Variants in CNTN6 observed in about 807,000 individuals in gnomAD.
CNTN6 encodes contactin 6.
A neutral mutation model predicts 122.8 loss-of-function variants in CNTN6; 137 were observed. That is an observed-to-expected ratio of 1.12 (90% CI 0.97 to 1.29). The LOEUF (loss-of-function observed/expected upper bound fraction) is 1.29, where lower values mean the gene tolerates loss of function less well. Among genes scored for constraint, CNTN6 ranks in the 50% most tolerant of loss-of-function variants. The pLI is 0.00. For synonymous variants in CNTN6, 570 were observed against 426.0 expected (o/e 1.34, Z -4.16); for missense variants, 1,634 against 1,223.4 (o/e 1.34, Z -5.01).
At chr3:1,385,896 T>C (rs571259245) in intron 20 of CNTN6, 99 bp downstream of exon 20, 6 of 1,181,892 alleles carry the variant, frequency 5.1e-6, no homozygotes, top group Admixed American at 5.5e-5. Flanking sequence ...ATTTCTTTAC[T>C]AATTGGTTAC....
chr3:1,292,813 A>T (rs1695546806), intron 5 of CNTN6, among the ~76,000 whole-genome samples: 1 of 152,138 alleles, frequency 6.6e-6, no homozygotes, highest in African/African-American at 2.4e-5. Flanking sequence ...AAAGAGAGTA[A>T]AAGCCTTTTG....
intron 19 of CNTN6, among the ~76,000 whole-genome samples, chr3:1,384,954 C>T (rs938515003): frequency 1.1e-4 from 16 of 151,514 alleles, no homozygotes; most frequent in African/African-American, 2.4e-4. Context: ...CATCCCTAGT[C>T]GCCTCTTCTC....
intron 11 of CNTN6, among the ~76,000 whole-genome samples, chr3:1,351,513 T>A (rs968911169): frequency 6.6e-6 from 1 of 150,650 alleles, no homozygotes; most frequent in Admixed American, 6.7e-5. Flanking sequence ...TCTCCTCTTA[T>A]TACATTTGAT....
intron 10 of CNTN6, among the ~76,000 whole-genome samples, chr3:1,329,048 A>T (rs1223022634): frequency 1.3e-5 from 2 of 151,474 alleles, no homozygotes; most frequent in African/African-American, 2.4e-5. Context: ...GAAATAAATC[A>T]GATTGGTATA....
At chr3:1,384,790 T>G (rs1463146275) in intron 19 of CNTN6, among the ~76,000 whole-genome samples, 4,200 of 136,002 alleles carry the variant, frequency 0.031, 106 homozygotes, top group South Asian at 0.046. Context: ...TATATATATA[T>G]ATATATACAC....
At chr3:1,118,645 T>G (rs1195323160) in intron 1 of CNTN6, among the ~76,000 whole-genome samples, 2 of 152,172 alleles carry the variant, frequency 1.3e-5, no homozygotes, top group East Asian at 1.9e-4. Flanking sequence ...ATTTATTTCC[T>G]AAATCGATCC....
At chr3:1,108,578 T>C (rs1264330563) in intron 1 of CNTN6, among the ~76,000 whole-genome samples, 4 of 152,056 alleles carry the variant, frequency 2.6e-5, no homozygotes, top group South Asian at 2.1e-4. Context: ...TGTAATATCA[T>C]TGAGCTGTTT....
chr3:1,401,456 A>G lies in CNTN6; in HGVS notation c.2728A>G (p.Ile910Val). ...KSPPSQPPAN[I>V]AWKLTNSKLC... ...AGCTCCAAGCCAACCACCAGCAAAC[A>G]TTGCCTGGAAGCTGACAAACTCTAA... The change falls in exon 21 of 23, where the codon ATT becomes GTT. Residue 910 changes from isoleucine (I) to valine (V), a missense_variant. By Grantham distance (29) the Ile-to-Val change is conservative. Coordinates refer to ENST00000446702, the MANE Select transcript of CNTN6 (RefSeq NM_001289080.2). 1 of 1,611,988 alleles carries G rather than the reference A, an allele frequency of 6.2e-7. No homozygotes were observed. Among genetic ancestry groups the G allele is most frequent in the African/African-American group, 1.3e-5 (1 of 74,936 alleles).
intron 2 of CNTN6, among the ~76,000 whole-genome samples, chr3:1,202,263 G>A (rs140186663): frequency 3.3e-5 from 5 of 152,350 alleles, no homozygotes; most frequent in Admixed American, 6.5e-5. Context: ...TGTTTGGGCC[G>A]GGCGCGGTGG....
chr3:1,221,697 A>C (rs1377813350), intron 3 of CNTN6, among the ~76,000 whole-genome samples: 1 of 152,244 alleles, frequency 6.6e-6, no homozygotes, highest in Non-Finnish European at 1.5e-5. Context: ...TACAAATTTA[A>C]AAATATATGC....
chr3:1,386,070 C>T (rs1242638856), intron 20 of CNTN6, among the ~76,000 whole-genome samples: 1 of 152,172 alleles, frequency 6.6e-6, no homozygotes, highest in Non-Finnish European at 1.5e-5. Flanking sequence ...CTGACGCCCT[C>T]CTTCTAAATG....
chr3:1,323,144 G>A (rs906646141), intron 8 of CNTN6, among the ~76,000 whole-genome samples: 1 of 151,650 alleles, frequency 6.6e-6, no homozygotes, highest in African/African-American at 2.4e-5. Flanking sequence ...AGCTTACATA[G>A]CAATTTTACA....
intron 17 of CNTN6, among the ~76,000 whole-genome samples, chr3:1,381,446 G>T (rs115755150): frequency 0.027 from 4,046 of 152,138 alleles, 71 homozygotes; most frequent in Non-Finnish European, 0.039. Flanking sequence ...GGTAATGGGG[G>T]TTTATTTTAA....
intron 19 of CNTN6, among the ~76,000 whole-genome samples, chr3:1,383,986 A>C (rs1229792960): frequency 6.7e-6 from 1 of 149,714 alleles, no homozygotes; most frequent in South Asian, 2.1e-4. Context: ...TGTTTCAGTC[A>C]GTCTTCAATC....
At chr3:1,280,685 A>T (rs1693248018) in intron 5 of CNTN6, among the ~76,000 whole-genome samples, 1 of 151,740 alleles carries the variant, frequency 6.6e-6, no homozygotes, top group African/African-American at 2.4e-5. Context: ...GGCTGGTCTC[A>T]AACTCCTAAC....
Position 1,283,290 on chromosome 3 carries a change from T to G in CNTN6, c.454+4782T>G, listed in dbSNP as rs118045286. Among the ~76,000 whole-genome samples the G allele has an allele frequency of 2.2e-3, 330 of 152,274 alleles. 12 individuals carry two copies. The East Asian group carries it at 0.057, about 26-fold the overall frequency. On this transcript the variant is annotated intron_variant, in intron 5 of 22. Coordinates refer to ENST00000446702, the MANE Select transcript of CNTN6 (RefSeq NM_001289080.2). Reference sequence around the variant, plus strand: ...ATTTAGTATTTATTTTATTTATTTTTGGGGAGCAGGATGTTACCGTGCCTT... The same window carrying G: ...ATTTAGTATTTATTTTATTTATTTTGGGGGAGCAGGATGTTACCGTGCCTT...
intron 2 of CNTN6, among the ~76,000 whole-genome samples, chr3:1,200,384 T>C (rs144126441): frequency 1.1e-3 from 173 of 152,290 alleles, no homozygotes; most frequent in African/African-American, 3.9e-3. Flanking sequence ...TACTGAGCAC[T>C]GCGTGGGCTT....
intron 7 of CNTN6, among the ~76,000 whole-genome samples, chr3:1,303,056 C>A (rs960031841): frequency 6.6e-6 from 1 of 151,970 alleles, no homozygotes; most frequent in African/African-American, 2.4e-5. Context: ...TCAAAGCCAT[C>A]CCTCATTTGT....
chr3:1,167,954 CAG>C (rs1415699382), intron 2 of CNTN6, among the ~76,000 whole-genome samples: 4 of 152,172 alleles, frequency 2.6e-5, no homozygotes, highest in African/African-American at 9.6e-5. Flanking sequence ...CTCTGTCACT[CAG>C]GCTGGAGTGC....
Sources: gnomAD v4.1 joint callset for allele counts (sites outside exome capture counted in the v4.1 genomes callset) on GRCh38, gnomAD v4.1.1 for gene constraint, MANE v1.5 for transcripts, NCBI Gene and HGNC (gene_info 2026-07-23, HGNC 2026-07-21) for gene names.